VAT1L: variants seen among roughly 807,000 people sequenced by gnomAD.
VAT1L encodes the protein vesicle amine transport 1 like.
In VAT1L, 34 loss-of-function variants were observed where a neutral mutation model predicts 44.1. That is an observed-to-expected ratio of 0.77 (90% CI 0.59 to 1.03). The LOEUF is 1.03. VAT1L is among the 50% of genes least tolerant of loss of function. The pLI is 0.00. For missense variants in VAT1L, 615 were observed against 538.8 expected, an observed-to-expected ratio of 1.14 and a Z score of -1.40; for synonymous variants, 253 against 202.2, an observed-to-expected ratio of 1.25 and a Z score of -2.13.
chr16:77,963,649 C>T (rs375175936), intron 7 of VAT1L, among the ~76,000 whole-genome samples: 2 of 151,972 alleles, frequency 1.3e-5, no homozygotes, highest in African/African-American at 4.8e-5. Flanking sequence ...CACAGTGTCA[C>T]CGAGAGGCTG....
chr16:77,800,501 T>G (rs1156610877), intron 1 of VAT1L: 1 of 152,224 alleles, frequency 6.6e-6, no homozygotes, highest in South Asian at 2.1e-4. Flanking sequence ...AACTGCACCC[T>G]TCAGTACCCA....
intron 3 of VAT1L, among the ~76,000 whole-genome samples, chr16:77,850,224 C>T (rs1007011892): frequency 6.6e-6 from 1 of 152,174 alleles, no homozygotes; most frequent in Non-Finnish European, 1.5e-5. Flanking sequence ...CATGAGCTTA[C>T]ATCTCCTAAG....
chr16:77,918,341 G>A (rs942259404), intron 7 of VAT1L, among the ~76,000 whole-genome samples: 2 of 152,112 alleles, frequency 1.3e-5, no homozygotes, highest in African/African-American at 4.8e-5. Context: ...AGGAAACCAA[G>A]GTAGAAAGTT....
chr16:77,842,037 G>A (rs1359774283), intron 3 of VAT1L, among the ~76,000 whole-genome samples: 1 of 152,034 alleles, frequency 6.6e-6, no homozygotes, highest in African/African-American at 2.4e-5. Context: ...ACAGGCACCC[G>A]CCACCACGCC....
chr16:77,796,288 G>C (rs1008459798), intron 1 of VAT1L, among the ~76,000 whole-genome samples: 3 of 152,164 alleles, frequency 2.0e-5, no homozygotes, highest in African/African-American at 7.2e-5. Context: ...TGGGCAAAGG[G>C]AATGGGGACT....
chr16:77,789,480 C>CT (rs999060104), intron 1 of VAT1L, among the ~76,000 whole-genome samples: 1 of 152,130 alleles, frequency 6.6e-6, no homozygotes, highest in Non-Finnish European at 1.5e-5. Context: ...GATACATGAT[C>CT]TTTTTTCACC....
chr16:77,908,637 C>T (rs1195261286), intron 7 of VAT1L, among the ~76,000 whole-genome samples: 3 of 151,812 alleles, frequency 2.0e-5, no homozygotes, highest in African/African-American at 4.8e-5. Context: ...AAAAGGAGGC[C>T]GGGCGCGGTG....
chr16:77,824,531 G>T (rs1449274641), intron 2 of VAT1L, among the ~76,000 whole-genome samples: 1 of 151,974 alleles, frequency 6.6e-6, no homozygotes, highest in South Asian at 2.1e-4. Context: ...CGAGACAGGC[G>T]GATCATGGGG....
chr16:77,926,303 C>T (rs1225727741), intron 7 of VAT1L, among the ~76,000 whole-genome samples: 9 of 151,286 alleles, frequency 5.9e-5, no homozygotes, highest in Admixed American at 5.9e-4. Flanking sequence ...AGGAGTTGGG[C>T]CAGGCACGGT....
chr16:77,805,332 A>C (rs2966063), intron 1 of VAT1L, among the ~76,000 whole-genome samples: 1 of 149,896 alleles, frequency 6.7e-6, no homozygotes, highest in East Asian at 1.9e-4. Context: ...AAAAAGAAAA[A>C]AGATTTATGC....
intron 7 of VAT1L, among the ~76,000 whole-genome samples, chr16:77,925,352 G>C (rs1472564655): frequency 6.6e-6 from 1 of 152,238 alleles, no homozygotes; most frequent in South Asian, 2.1e-4. Flanking sequence ...ATGTGAATTT[G>C]ATCCCAGCTT....
chr16:77,818,136 A>C (rs1441901092), intron 2 of VAT1L, among the ~76,000 whole-genome samples: 1 of 152,132 alleles, frequency 6.6e-6, no homozygotes, highest in Admixed American at 6.5e-5. Context: ...CAGCCCCCAA[A>C]TACTGCAATA....
chr16:77,801,688 T>C (rs1011490254), intron 1 of VAT1L: 4 of 144,286 alleles, frequency 2.8e-5, no homozygotes, highest in Non-Finnish European at 6.0e-5. Context: ...TTGAGCAGAC[T>C]ATCCATCAAA....
chr16:77,926,121 C>A (rs557286209), intron 7 of VAT1L, among the ~76,000 whole-genome samples: 1 of 151,330 alleles, frequency 6.6e-6, no homozygotes, highest in East Asian at 2.0e-4. Flanking sequence ...GGCATGGTGG[C>A]GGGCGCCTGT....
At chr16:77,791,117 A>G (rs537005813) in intron 1 of VAT1L, among the ~76,000 whole-genome samples, 3 of 152,326 alleles carry the variant, frequency 2.0e-5, no homozygotes, top group Admixed American at 2.0e-4. Flanking sequence ...AGGCTTGTAA[A>G]TGGCCCACTG....
chr16:77,876,435 T>C lies in VAT1L; in HGVS notation c.788T>C (p.Leu263Pro), dbSNP rs758363332. Residue 263 changes from leucine to proline, a missense_variant, in exon 5 of 9, where the codon CTC becomes CCC. Coordinates refer to ENST00000302536, the MANE Select transcript of VAT1L (RefSeq NM_020927.3). ...TGTGGGGACAACACTGGAAAAGGTC[T>C]CAGTCTTCTCAAACCCCTGGGAACC... Reference protein sequence around the residue: ...CLCGDNTGKGLSLLKPLGTYI... With the variant: ...CLCGDNTGKGPSLLKPLGTYI... The C allele has an allele frequency of 6.2e-7, 1 of 1,614,170 alleles. No individual in the cohort carries two copies. The highest frequency in any genetic ancestry group is 1.1e-5 in the South Asian group (1 of 91,084).
In VAT1L at chr16:77,974,834, G is replaced by T. The variant is rs1040599256; in HGVS notation, c.1162-2763G>T. ...CCCACCTGCCTTGGCCTCCCAAAGA[G>T]CTGGGATTATAGACATGAGACACTG... is the stretch of plus-strand genomic sequence containing the variant. On this transcript the variant is annotated intron_variant, in intron 8 of 8. Coordinates refer to ENST00000302536, the MANE Select transcript of VAT1L (RefSeq NM_020927.3). 2.0e-5 allele frequency among the ~76,000 whole-genome samples: 3 copies of T among 152,068 alleles called. No individual in the cohort carries two copies. In the East Asian group the frequency reaches 5.8e-4, roughly 29 times the overall value.
chr16:77,875,127 T>TAAG (rs1435683754), intron 4 of VAT1L, among the ~76,000 whole-genome samples: 1 of 152,228 alleles, frequency 6.6e-6, no homozygotes, highest in African/African-American at 2.4e-5. Flanking sequence ...CCTGTGCAGA[T>TAAG]AAGAGCTCTA....
intron 7 of VAT1L, among the ~76,000 whole-genome samples, chr16:77,944,049 G>A (rs1265388146): frequency 6.6e-6 from 1 of 152,136 alleles, no homozygotes; most frequent in South Asian, 2.1e-4. Context: ...GCTGGGAGCA[G>A]TTTCGTCCTT....
Sources: allele counts gnomAD v4.1 joint callset (sites outside exome capture counted in the v4.1 genomes callset), GRCh38; gene constraint gnomAD v4.1.1; transcripts MANE v1.5; gene names NCBI Gene and HGNC (gene_info 2026-07-23, HGNC 2026-07-21).